Variants in TUSC3 observed in about 807,000 individuals in gnomAD.
The protein encoded by TUSC3 is dolichyl-diphosphooligosaccharide--protein glycosyltransferase subunit TUSC3.
A neutral mutation model predicts 44.8 loss-of-function variants in TUSC3; 45 were observed. The observed-to-expected ratio is 1.00, with a 90% CI of 0.79 to 1.29. TUSC3 has a LOEUF of 1.29. TUSC3 is among the 50% of genes most tolerant of loss of function. The pLI, the probability that TUSC3 is intolerant of heterozygous loss-of-function variation, is 0.00. For missense variants in TUSC3, 519 were observed against 437.9 expected, an observed-to-expected ratio of 1.19 and a Z score of -1.65; for synonymous variants, 212 against 152.9, an observed-to-expected ratio of 1.39 and a Z score of -2.85.
chr8:15,481,981 G>T (rs187047111), intron 1 of TUSC3, among the ~76,000 whole-genome samples: 1 of 152,100 alleles, frequency 6.6e-6, no homozygotes, highest in Non-Finnish European at 1.5e-5. Flanking sequence ...TTTGAAAATC[G>T]GAGTCAATCT....
At chr8:15,608,947 C>A (rs1563131538) in intron 1 of TUSC3, among the ~76,000 whole-genome samples, 1 of 152,062 alleles carries the variant, frequency 6.6e-6, no homozygotes, top group Non-Finnish European at 1.5e-5. Context: ...CTTGCTCTTG[C>A]CATTTGGAAG....
At chr8:15,638,156 C>T (rs1806177321) in intron 2 of TUSC3, among the ~76,000 whole-genome samples, 1 of 151,610 alleles carries the variant, frequency 6.6e-6, no homozygotes, top group African/African-American at 2.4e-5. Context: ...TGGGGTGATT[C>T]CCACCCCCGC....
At chr8:15,703,268 A>C (rs1282265050) in intron 6 of TUSC3, among the ~76,000 whole-genome samples, 2 of 152,174 alleles carry the variant, frequency 1.3e-5, no homozygotes, top group African/African-American at 4.8e-5. Context: ...AATTAATTAT[A>C]GATTATAATA....
chr8:15,753,520 A>T (rs1406314967), intron 9 of TUSC3, among the ~76,000 whole-genome samples: 1 of 152,132 alleles, frequency 6.6e-6, no homozygotes, highest in African/African-American at 2.4e-5. Context: ...ATTATGAACA[A>T]AAAACCAGTT....
chr8:15,818,459 G>C, the TUSC3 span, among the ~76,000 whole-genome samples: 2 of 152,144 alleles, frequency 1.3e-5, no homozygotes, highest in African/African-American at 4.8e-5. Flanking sequence ...GGGCAAAATT[G>C]AGTGTTCTTA....
the TUSC3 span, among the ~76,000 whole-genome samples, chr8:15,812,070 T>C: frequency 5.3e-5 from 8 of 152,370 alleles, no homozygotes; most frequent in East Asian, 1.2e-3. Flanking sequence ...ACTACTTTTA[T>C]TGGTTTTCTT....
rs996734263 is a variant in TUSC3, at chr8:15,639,659, A to C, written c.309-11038A>C. Among the ~76,000 whole-genome samples, 3 of 152,004 alleles carry C rather than the reference A, an allele frequency of 2.0e-5. No homozygotes were observed. In the South Asian group the frequency reaches 6.2e-4, roughly 32 times the overall value. On this transcript the variant is annotated intron_variant, in intron 2 of 10. Transcript: ENST00000503731. Reference sequence around the variant, plus strand: ...ATTCATCTTTGTATTATTTTTAAGCATTTATTCTTGGTTTCAATGATTTTA... The same window carrying C: ...ATTCATCTTTGTATTATTTTTAAGCCTTTATTCTTGGTTTCAATGATTTTA...
intron 1 of TUSC3, among the ~76,000 whole-genome samples, chr8:15,431,260 T>C (rs1359918897): frequency 6.6e-6 from 1 of 151,654 alleles, no homozygotes; most frequent in Non-Finnish European, 1.5e-5. Context: ...AGGGATAGCA[T>C]TGTCTCTATA....
intron 2 of TUSC3, among the ~76,000 whole-genome samples, chr8:15,500,000 C>G (rs933195551): frequency 2.0e-5 from 3 of 152,132 alleles, no homozygotes; most frequent in African/African-American, 7.2e-5. Flanking sequence ...AACTCCATTC[C>G]TTCAATAATT....
At chr8:15,690,224 C>T (rs1808838661) in intron 6 of TUSC3, among the ~76,000 whole-genome samples, 1 of 152,116 alleles carries the variant, frequency 6.6e-6, no homozygotes, top group African/African-American at 2.4e-5. Flanking sequence ...TGTGAGGTAG[C>T]ATCTTGTGGT....
intron 6 of TUSC3, among the ~76,000 whole-genome samples, chr8:15,722,187 C>A (rs777040859): frequency 6.6e-6 from 1 of 150,404 alleles, no homozygotes; most frequent in Non-Finnish European, 1.5e-5. Context: ...GGGCAGCTAT[C>A]GTGAATTATT....
At chr8:15,464,854 CT>C (rs953234935) in intron 1 of TUSC3, among the ~76,000 whole-genome samples, 3 of 151,198 alleles carry the variant, frequency 2.0e-5, no homozygotes, top group Non-Finnish European at 3.0e-5. Context: ...TCCTTGAAGA[CT>C]TTTTTTTTGT....
chr8:15,497,362 T>A (rs1321821624), intron 2 of TUSC3, among the ~76,000 whole-genome samples: 1 of 152,142 alleles, frequency 6.6e-6, no homozygotes, highest in South Asian at 2.1e-4. Context: ...CCAAATCTTT[T>A]ATAATGAGCA....
rs771808927 is a variant in TUSC3, at chr8:15,757,796, T to C, written c.1034T>C (p.Leu345Pro). 1.4e-6 allele frequency: 2 copies of C among 1,461,208 alleles called. No individual in the cohort carries two copies. Among genetic ancestry groups the C allele is most frequent in the East Asian group, 4.5e-5 (2 of 44,086 alleles). 90.5% of individuals were successfully genotyped at this position (1,461,208 alleles called of 1,614,324 possible). A position where few individuals can be genotyped will look rare whatever the true frequency, so the allele number is the denominator to read the frequency against. The change falls in exon 10 of 11, where the codon CTG (leucine) becomes CCG (proline). Residue 345 changes from leucine (L) to proline (P), a missense_variant. Leu to Pro is a moderately conservative substitution (Grantham distance 98). Transcript: ENST00000503731. ...CATTGTGGTGTATTGGAAAGTGATC[T>C]GGACTTTGAGTGAGAAGATGTGATT... ...SKYHGYPYSDLDFE is the reference protein window; with the variant it reads ...SKYHGYPYSDPDFE
At chr8:15,662,094 T>G in intron 4 of TUSC3, 62 bp from the exon 5 acceptor site, 2 of 1,589,172 alleles carry the variant, frequency 1.3e-6, no homozygotes, top group Non-Finnish European at 1.7e-6. Flanking sequence ...AGGACTAGAA[T>G]ATGATCAAAA....
At chr8:15,758,935 G>C (rs1384161551) in intron 10 of TUSC3, among the ~76,000 whole-genome samples, 1 of 152,084 alleles carries the variant, frequency 6.6e-6, no homozygotes, top group Non-Finnish European at 1.5e-5. Flanking sequence ...GGCCTTTTTA[G>C]AAGACCACTT....
rs1802269870 is a variant in TUSC3 at position 15,556,455 on chromosome 8, A to G, written c.138+15887A>G. On this transcript the variant is annotated intron_variant, in intron 1 of 10. Coordinates refer to ENST00000503731, the MANE Select transcript of TUSC3 (RefSeq NM_006765.4). ...TCTTTGCTGTTGTGAATAATGCCAC[A>G]GTAAACATACGTGTGCATGTGTCCT... Among the ~76,000 whole-genome samples the G allele has an allele frequency of 1.3e-5, 2 of 151,600 alleles. 1 individual carries two copies. The highest frequency in any genetic ancestry group is 2.9e-5 in the Non-Finnish European group (2 of 67,884).
the TUSC3 span, among the ~76,000 whole-genome samples, chr8:15,774,216 A>T: frequency 6.6e-6 from 1 of 151,350 alleles, no homozygotes; most frequent in Non-Finnish European, 1.5e-5. Context: ...TTAAAAATGG[A>T]GTTTAAGCGT....
At chr8:15,508,814 A>G (rs1801095305) in intron 2 of TUSC3, among the ~76,000 whole-genome samples, 1 of 152,164 alleles carries the variant, frequency 6.6e-6, no homozygotes, top group Non-Finnish European at 1.5e-5. Context: ...AATAAAGATA[A>G]CAAAAACCAA....
Sources: gnomAD v4.1 joint callset for allele counts (sites outside exome capture counted in the v4.1 genomes callset) on GRCh38, gnomAD v4.1.1 for gene constraint, MANE v1.5 for transcripts, NCBI Gene and HGNC (gene_info 2026-07-23, HGNC 2026-07-21) for gene names.